Variants in MAPK8IP3 observed in about 807,000 individuals in gnomAD.
MAPK8IP3 encodes C-Jun-amino-terminal kinase-interacting protein 3.
A neutral mutation model predicts 157.8 loss-of-function variants in MAPK8IP3; 49 were observed. That is an observed-to-expected ratio of 0.31 (90% CI 0.25 to 0.39). MAPK8IP3 has a LOEUF of 0.39. Among genes scored for constraint, MAPK8IP3 ranks in the 10% least tolerant of loss-of-function variants. The pLI, the probability that MAPK8IP3 is intolerant of heterozygous loss-of-function variation, is 1.00. For synonymous variants in MAPK8IP3, 897 were observed against 777.7 expected (o/e 1.15, Z -2.55); for missense variants, 1,478 against 1,889.4 (o/e 0.78, Z 4.04).
chr16:1,730,562 AC>A (rs1353374291), intron 4 of MAPK8IP3, among the ~76,000 whole-genome samples: 1 of 152,162 alleles, frequency 6.6e-6, no homozygotes, highest in Non-Finnish European at 1.5e-5. Flanking sequence ...ACATGGTGAA[AC>A]CCCATCTCTA....
chr16:1,747,302 G>C, intron 6 of MAPK8IP3, 27 bp downstream of exon 6: 1 of 1,604,988 alleles, frequency 6.2e-7, no homozygotes, highest in Non-Finnish European at 8.5e-7. Context: ...GGGACTCTGG[G>C]CTCCCTCGGG....
At position 1,706,708 on chromosome 16, in the gene MAPK8IP3, G is replaced by A; in HGVS notation, c.318+51G>A. 6.8e-7 allele frequency: 1 copy of A among 1,475,008 alleles called. No individual in the cohort carries two copies. Among genetic ancestry groups the A allele is most frequent in the Non-Finnish European group, 9.0e-7 (1 of 1,112,974 alleles). The allele number at this position is 1,475,008 out of a possible 1,614,324, so 91.4% of individuals were successfully genotyped here. On this transcript the variant is annotated intron_variant, in intron 1 of 31. Transcript: ENST00000610761. The surrounding 1 kb of genome is among the most constrained non-coding windows in gnomAD (Gnocchi z 5.1). Reference sequence around the variant, plus strand: ...CATCCCCGTCCCGGACCCCCAGCCAGCCCCGGGCCCCGGACCCAACACCCG... The same window carrying A: ...CATCCCCGTCCCGGACCCCCAGCCAACCCCGGGCCCCGGACCCAACACCCG...
At position 1,770,002 on chromosome 16, in the gene MAPK8IP3, T is replaced by G. The variant is rs1333802797; in HGVS notation, c.*1178T>G. On this transcript the variant is annotated 3_prime_UTR_variant, in exon 32 of 32. Transcript: ENST00000610761. ...ACCTTCCAGGCCCACTGCACTCCTG[T>G]CTGGGAGGCCCTTATGAGGGCAGCC... is the stretch of plus-strand genomic sequence containing the variant. 6.6e-6 allele frequency: 1 copy of G among 152,380 alleles called. No homozygotes were observed. Among genetic ancestry groups the G allele is most frequent in the African/African-American group, 2.4e-5 (1 of 41,428 alleles). 9.4% of individuals were successfully genotyped at this position (152,380 alleles called of 1,614,324 possible). A position where few individuals can be genotyped will look rare whatever the true frequency, so the allele number is the denominator to read the frequency against.
At chr16:1,753,320 G>T (rs2041402261) in intron 8 of MAPK8IP3, among the ~76,000 whole-genome samples, 3 of 152,280 alleles carry the variant, frequency 2.0e-5, no homozygotes, top group Admixed American at 6.5e-5. Flanking sequence ...GGCTGTTGCT[G>T]TGTTGCCAGG....
intron 1 of MAPK8IP3, chr16:1,708,045 C>G (rs984191594): frequency 4.6e-5 from 7 of 152,194 alleles, no homozygotes; most frequent in African/African-American, 1.7e-4. Context: ...GGTGGTTATG[C>G]ATTGATTGGA....
chr16:1,729,255 C>G, intron 3 of MAPK8IP3, 47 bp downstream of exon 3: 1 of 1,586,138 alleles, frequency 6.3e-7, no homozygotes, highest in South Asian at 1.1e-5. Context: ...GAGACAGGGC[C>G]GCGGCCTGAC....
intron 10 of MAPK8IP3, 53 bp from the exon 11 acceptor site, chr16:1,759,905 T>A (rs763752378): frequency 1.3e-6 from 2 of 1,516,444 alleles, no homozygotes; most frequent in East Asian, 4.5e-5. Flanking sequence ...TGCGGCGGCA[T>A]CAGTGACCTG....
At chr16:1,708,618 G>A (rs1596526442) in intron 1 of MAPK8IP3, among the ~76,000 whole-genome samples, 2 of 152,306 alleles carry the variant, frequency 1.3e-5, no homozygotes, top group Admixed American at 1.3e-4. Flanking sequence ...CCCTCCCCCA[G>A]GGCTCCTGCT....
rs1033334908 is a variant in MAPK8IP3 at position 1,759,849 on chromosome 16, C to A, written c.1247-109C>A. On this transcript the variant is annotated intron_variant, in intron 10 of 31. Coordinates refer to ENST00000610761, the MANE Select transcript of MAPK8IP3 (RefSeq NM_001318852.2). ...CGCTCCCTGTAGATCGGGCGTCATC[C>A]CCAGCCAGGCTACCCTCTTTGGAAG... The A allele has an allele frequency of 1.8e-5, 18 of 986,958 alleles. 1 individual carries two copies. The highest frequency in any genetic ancestry group is 4.7e-5 in the African/African-American group (3 of 63,254). 61.1% of individuals were successfully genotyped at this position (986,958 alleles called of 1,614,324 possible). A position where few individuals can be genotyped will look rare whatever the true frequency, so the allele number is the denominator to read the frequency against.
chr16:1,713,200 C>T (rs935648160), intron 1 of MAPK8IP3, among the ~76,000 whole-genome samples: 13 of 152,160 alleles, frequency 8.5e-5, no homozygotes, highest in Non-Finnish European at 1.5e-4. Flanking sequence ...CACATAGGGC[C>T]GTTGAGCATT....
intron 5 of MAPK8IP3, chr16:1,745,343 G>A (rs368398396): frequency 5.0e-5 from 10 of 200,114 alleles, no homozygotes; most frequent in African/African-American, 1.2e-4. Flanking sequence ...TGGCAGAGTC[G>A]GTGAGACACC....
At chr16:1,729,686 G>A (rs2039163308) in intron 4 of MAPK8IP3, 108 bp downstream of exon 4, 1 of 1,053,816 alleles carries the variant, frequency 9.5e-7, no homozygotes, top group Non-Finnish European at 1.4e-6. Flanking sequence ...CGCGCTCTGG[G>A]CTCAGGACGA....
chr16:1,725,840 G>A (rs1193081332), intron 2 of MAPK8IP3, among the ~76,000 whole-genome samples: 3 of 151,878 alleles, frequency 2.0e-5, no homozygotes, highest in Non-Finnish European at 4.4e-5. Context: ...TGGGACTACA[G>A]GTGCCCGCCA....
rs895978364 is a variant in MAPK8IP3 at position 1,743,628 on chromosome 16, C to A, written c.747+152C>A. ...TGTGTGGCAGGATGGAGAAACCCAG[C>A]CAGGGTGTCAGGGGCTCAGGCTGCC... On this transcript the variant is annotated intron_variant, in intron 5 of 31. Coordinates refer to ENST00000610761, the MANE Select transcript of MAPK8IP3 (RefSeq NM_001318852.2). This position sits in a 1 kb window ranked among gnomAD's most constrained non-coding sequence, Gnocchi z 5.6. The A allele has an allele frequency of 2.8e-6, 4 of 1,447,448 alleles. No homozygotes were observed. In the African/African-American group the frequency reaches 5.9e-5, roughly 21 times the overall value. 89.7% of individuals were successfully genotyped at this position (1,447,448 alleles called of 1,614,324 possible).
At chr16:1,763,986 C>A in intron 17 of MAPK8IP3, 129 bp from the exon 18 acceptor site, 2 of 1,092,562 alleles carry the variant, frequency 1.8e-6, no homozygotes, top group Non-Finnish European at 2.6e-6. Context: ...GCGGCTCCCA[C>A]GCCCCCACCT....
chr16:1,759,698 T>G (rs2141914830), intron 10 of MAPK8IP3, among the ~76,000 whole-genome samples: 1 of 152,320 alleles, frequency 6.6e-6, no homozygotes, highest in South Asian at 2.1e-4. Flanking sequence ...CCAGCGGCCA[T>G]TCAGGGGCCT....
In MAPK8IP3 at chr16:1,768,298, T is replaced by G; in HGVS notation, c.3662T>G (p.Ile1221Ser). The change falls in exon 30 of 32, where the codon ATC becomes AGC. Residue 1221 changes from isoleucine (I) to serine (S), a missense_variant. Physicochemically the swap from Ile to Ser is moderately radical, Grantham distance 142 (BLOSUM62 -2). Coordinates refer to ENST00000610761, the MANE Select transcript of MAPK8IP3 (RefSeq NM_001318852.2). Reference sequence around the variant, plus strand: ...AGTGACAGGGCGGCCAGCAGCTTCATCCCCTACTGCTCCATGGCCCAGGCC... The same window carrying G: ...AGTGACAGGGCGGCCAGCAGCTTCAGCCCCTACTGCTCCATGGCCCAGGCC... ...DSSDRAASSF[I>S]PYCSMAQAQL... 6.2e-7 allele frequency: 1 copy of G among 1,610,358 alleles called. No homozygotes were observed. Among genetic ancestry groups the G allele is most frequent in the Non-Finnish European group, 8.5e-7 (1 of 1,179,964 alleles).
chr16:1,710,589 G>A lies in MAPK8IP3; in HGVS notation c.318+3932G>A, dbSNP rs907000321. Among the ~76,000 whole-genome samples, 3 of 152,200 alleles carry A rather than the reference G, an allele frequency of 2.0e-5. No individual in the cohort carries two copies. Among genetic ancestry groups the A allele is most frequent in the African/African-American group, 4.8e-5 (2 of 41,454 alleles). ...TAATCCCGCTCTACAGAGATGATCA[G>A]TCTGCCATTTTTCCTTCTTTTTTTC... On this transcript the variant is annotated intron_variant, in intron 1 of 31. Coordinates refer to ENST00000610761, the MANE Select transcript of MAPK8IP3 (RefSeq NM_001318852.2). This position sits in a 1 kb window ranked among gnomAD's most constrained non-coding sequence, Gnocchi z 4.1.
chr16:1,764,539 G>A, intron 19 of MAPK8IP3, 80 bp downstream of exon 19: 1 of 1,528,224 alleles, frequency 6.5e-7, no homozygotes, highest in Non-Finnish European at 8.8e-7. Context: ...CTGGGAGTGA[G>A]ACACAGGACA....
Sources: allele counts gnomAD v4.1 joint callset (sites outside exome capture counted in the v4.1 genomes callset), GRCh38; gene constraint gnomAD v4.1.1; non-coding constraint Gnocchi (gnomAD v3.1); transcripts MANE v1.5; gene names NCBI Gene and HGNC (gene_info 2026-07-23, HGNC 2026-07-21).